CACNA2D3: variants seen among roughly 807,000 people sequenced by gnomAD.
The protein encoded by CACNA2D3 is calcium voltage-gated channel auxiliary subunit alpha2delta 3.
CACNA2D3 carries 60 observed loss-of-function variants against 160.6 expected under a neutral mutation model. The observed-to-expected ratio is 0.37, with a 90% confidence interval of 0.30 to 0.46. The LOEUF is 0.46. Among genes scored for constraint, CACNA2D3 ranks in the 20% least tolerant of loss-of-function variants. The probability of loss-of-function intolerance (pLI) is 1.00; values close to 1 mark genes in which losing one functional copy is unlikely to be tolerated. For missense variants in CACNA2D3, 1,205 were observed against 1,365.0 expected, an observed-to-expected ratio of 0.88 and a Z score of 1.85; for synonymous variants, 558 against 492.9, an observed-to-expected ratio of 1.13 and a Z score of -1.75.
intron 4 of CACNA2D3, among the ~76,000 whole-genome samples, chr3:54,416,144 G>A (rs1015575864): frequency 3.3e-5 from 5 of 152,176 alleles, no homozygotes; most frequent in African/African-American, 4.8e-5. Flanking sequence ...CACATAGCAC[G>A]TGTAATCTTT....
intron 13 of CACNA2D3, among the ~76,000 whole-genome samples, chr3:54,812,305 A>G (rs1419791824): frequency 6.6e-6 from 1 of 152,212 alleles, no homozygotes; most frequent in Non-Finnish European, 1.5e-5. Flanking sequence ...GCATGGCAAT[A>G]ACTTTGCTAC....
Position 54,145,679 on chromosome 3 carries a change from A to G in CACNA2D3, c.204+22085A>G, listed in dbSNP as rs535436360. The stretch of plus-strand genomic sequence containing the variant: ...TTAGCACTGGTCATCCTCAGCACCC[A>G]GTGCAGGGCGCAGCATCCAGAGACT... On this transcript the variant is annotated intron_variant, in intron 2 of 37. Coordinates refer to ENST00000474759, the MANE Select transcript of CACNA2D3 (RefSeq NM_018398.3). 5.9e-5 allele frequency among the ~76,000 whole-genome samples: 9 copies of G among 152,318 alleles called. No homozygotes were observed. The East Asian group carries it at 1.7e-3, about 29-fold the overall frequency.
intron 4 of CACNA2D3, among the ~76,000 whole-genome samples, chr3:54,416,610 A>G (rs1699757989): frequency 6.6e-6 from 1 of 152,224 alleles, no homozygotes; most frequent in Non-Finnish European, 1.5e-5. Context: ...CTTATAGCTT[A>G]ATCATAGGAG....
chr3:54,687,973 A>G (rs1409071943), intron 11 of CACNA2D3, among the ~76,000 whole-genome samples: 1 of 152,198 alleles, frequency 6.6e-6, no homozygotes, highest in Non-Finnish European at 1.5e-5. Flanking sequence ...TTTTAAACTC[A>G]TGAGTAGAAC....
At chr3:54,522,589 T>C (rs1701661797) in intron 5 of CACNA2D3, among the ~76,000 whole-genome samples, 1 of 152,186 alleles carries the variant, frequency 6.6e-6, no homozygotes, top group South Asian at 2.1e-4. Flanking sequence ...TTTATTTTGC[T>C]CATAGTTCCA....
chr3:54,162,174 G>A (rs1347708485), intron 2 of CACNA2D3, among the ~76,000 whole-genome samples: 1 of 152,206 alleles, frequency 6.6e-6, no homozygotes, highest in Non-Finnish European at 1.5e-5. Flanking sequence ...TGGGGATAGA[G>A]ATGTTTCAGC....
chr3:54,816,731 C>A, intron 13 of CACNA2D3, 122 bp from the exon 14 acceptor site: 1 of 1,043,250 alleles, frequency 9.6e-7, no homozygotes, highest in Non-Finnish European at 1.4e-6. Flanking sequence ...ACCTCTTTTT[C>A]ACTTGTCTCC....
chr3:54,263,842 C>T (rs1702450306), intron 2 of CACNA2D3, among the ~76,000 whole-genome samples: 1 of 152,156 alleles, frequency 6.6e-6, no homozygotes, highest in African/African-American at 2.4e-5. Context: ...ATGTCTGTAC[C>T]TGGCAGGGCT....
chr3:54,850,258 A>G (rs1373889750), intron 17 of CACNA2D3, among the ~76,000 whole-genome samples: 4 of 152,162 alleles, frequency 2.6e-5, no homozygotes, highest in South Asian at 2.1e-4. Flanking sequence ...GTAATCTTCA[A>G]AGGGGCCGGG....
At chr3:54,812,006 C>T (rs1426859524) in intron 13 of CACNA2D3, among the ~76,000 whole-genome samples, 1 of 152,220 alleles carries the variant, frequency 6.6e-6, no homozygotes, top group African/African-American at 2.4e-5. Context: ...TAGCATGTCA[C>T]AGCTGTCATA....
chr3:54,322,132 A>G (rs1198292456), intron 3 of CACNA2D3, among the ~76,000 whole-genome samples: 1 of 152,214 alleles, frequency 6.6e-6, no homozygotes, highest in South Asian at 2.1e-4. Context: ...GCCATGCAGC[A>G]TGCTGCCTTG....
chr3:54,484,398 T>C (rs6795757), intron 4 of CACNA2D3, among the ~76,000 whole-genome samples: 15,154 of 152,220 alleles, frequency 0.1, 2,349 homozygotes, highest in African/African-American at 0.33. Context: ...ACCTTTTTTT[T>C]CCTTTTAATC....
chr3:54,865,009 C>T (rs1699368493), intron 17 of CACNA2D3, among the ~76,000 whole-genome samples: 1 of 152,254 alleles, frequency 6.6e-6, no homozygotes, highest in African/African-American at 2.4e-5. Flanking sequence ...CAGAAACATT[C>T]ACCTTCATGA....
intron 13 of CACNA2D3, among the ~76,000 whole-genome samples, chr3:54,788,119 G>T (rs1323694097): frequency 1.3e-5 from 2 of 152,100 alleles, no homozygotes; most frequent in Admixed American, 1.3e-4. Flanking sequence ...TTAGCATCCT[G>T]CTGTATTCTG....
chr3:54,282,923 T>C (rs1702916109), intron 2 of CACNA2D3, among the ~76,000 whole-genome samples: 1 of 152,162 alleles, frequency 6.6e-6, no homozygotes, highest in Non-Finnish European at 1.5e-5. Flanking sequence ...TTAGCATTGT[T>C]TGTGCTTGTA....
rs1408400675 is a variant in CACNA2D3, at chr3:55,073,468, C to T, written c.3011C>T (p.Pro1004Leu). The T allele has an allele frequency of 6.2e-7, 1 of 1,613,904 alleles. No individual in the cohort carries two copies. Among genetic ancestry groups the T allele is most frequent in the African/African-American group, 1.3e-5 (1 of 75,024 alleles). Residue 1004 changes from proline to leucine, a missense_variant, in exon 36 of 38, where the codon CCA becomes CTA. By Grantham distance (98) the Pro-to-Leu change is moderately conservative (BLOSUM62 -3). Coordinates refer to ENST00000474759, the MANE Select transcript of CACNA2D3 (RefSeq NM_018398.3). Reference protein sequence around the residue: ...CSKSFVIQQIPSSNLFMVVVD... With the variant: ...CSKSFVIQQILSSNLFMVVVD... ...AGGTCCTTTGTCATCCAGCAAATCC[C>T]AAGCAGCAACCTGTTCATGGTGGTG...
intron 4 of CACNA2D3, among the ~76,000 whole-genome samples, chr3:54,391,372 C>T (rs887384784): frequency 1.3e-5 from 2 of 152,134 alleles, no homozygotes; most frequent in Non-Finnish European, 2.9e-5. Flanking sequence ...TAGTTGTTAA[C>T]AAAAACTGTA....
chr3:54,891,001 C>A (rs527302263), intron 24 of CACNA2D3, among the ~76,000 whole-genome samples: 6 of 152,304 alleles, frequency 3.9e-5, no homozygotes, highest in Admixed American at 3.9e-4. Flanking sequence ...CTGGCTAGTC[C>A]TTCCCATTCT....
At chr3:54,596,822 C>T (rs60972410) in intron 9 of CACNA2D3, among the ~76,000 whole-genome samples, 1,686 of 152,222 alleles carry the variant, frequency 0.011, 27 homozygotes, top group African/African-American at 0.039. Flanking sequence ...ACTCCTTCTT[C>T]GCCTGGTTAA....
Sources: allele counts gnomAD v4.1 joint callset (sites outside exome capture counted in the v4.1 genomes callset), GRCh38; gene constraint gnomAD v4.1.1; transcripts MANE v1.5; gene names NCBI Gene and HGNC (gene_info 2026-07-23, HGNC 2026-07-21).